Variants in RETREG3 observed in about 807,000 individuals in gnomAD.
RETREG3 encodes the protein reticulophagy regulator family member 3.
RETREG3 carries 23 observed loss-of-function variants against 50.2 expected under a neutral mutation model. That is an observed-to-expected ratio of 0.46 (90% CI 0.33 to 0.65). The LOEUF is 0.65. Among genes scored for constraint, RETREG3 ranks in the 30% least tolerant of loss-of-function variants. The probability of loss-of-function intolerance (pLI) is 0.02; values close to 1 mark genes in which losing one functional copy is unlikely to be tolerated. For synonymous variants in RETREG3, 240 were observed against 234.4 expected (o/e 1.02, Z -0.22); for missense variants, 546 against 598.0 (o/e 0.91, Z 0.91).
At chr17:42,592,903 C>T (rs115423818) in intron 1 of RETREG3, among the ~76,000 whole-genome samples, 1,850 of 152,208 alleles carry the variant, frequency 0.012, 40 homozygotes, top group African/African-American at 0.042. Flanking sequence ...ACGAGAATTG[C>T]TAGAACCCAA....
At chr17:42,599,420 TTAGG>T (rs2093154311) in intron 1 of RETREG3, among the ~76,000 whole-genome samples, 1 of 151,784 alleles carries the variant, frequency 6.6e-6, no homozygotes, top group African/African-American at 2.4e-5. Context: ...TTTGGGAGCC[TTAGG>T]TGGGTGGATA....
chr17:42,584,478 G>A (rs2093116857), intron 6 of RETREG3, among the ~76,000 whole-genome samples: 1 of 152,126 alleles, frequency 6.6e-6, no homozygotes, highest in Non-Finnish European at 1.5e-5. Flanking sequence ...TTGGGAGGCA[G>A]CTTTTACTAG....
At chr17:42,590,966 C>CAAAAG (rs919536512) in intron 2 of RETREG3, among the ~76,000 whole-genome samples, 19 of 152,232 alleles carry the variant, frequency 1.2e-4, no homozygotes, top group South Asian at 4.1e-4. Flanking sequence ...GACTCCGTCT[C>CAAAAG]AAAAGAAAAG....
At chr17:42,586,279 T>A in intron 4 of RETREG3, 142 bp from the exon 5 acceptor site, 2 of 722,954 alleles carry the variant, frequency 2.8e-6, no homozygotes, top group Non-Finnish European at 4.7e-6. Flanking sequence ...CAAAGGTGAT[T>A]CTGTTTGGGA....
chr17:42,582,767 CTG>C lies in RETREG3; in HGVS notation c.848_849del (p.Thr283ArgfsTer3), dbSNP rs747390317. 6.2e-7 allele frequency: 1 copy of C among 1,614,206 alleles called. No homozygotes were observed. Among genetic ancestry groups the C allele is most frequent in the Non-Finnish European group, 8.5e-7 (1 of 1,180,036 alleles). ...DSTVARELAITDSEHSDAEVS... is the reference protein window; with the variant it reads ...DSTVARELAIXDSEHSDAEVS... Reference sequence around the variant, plus strand: ...ACTTCAGCGTCTGAGTGCTCAGAGTCTGTGATGGCCAATTCCCTGGCAACAGT... The same window carrying C: ...ACTTCAGCGTCTGAGTGCTCAGAGTCTGATGGCCAATTCCCTGGCAACAGT... On this transcript the variant is annotated frameshift_variant, in exon 8 of 9. Transcript: ENST00000309428. LOFTEE classifies it high-confidence loss of function.
chr17:42,599,449 G>A (rs1338766818), intron 1 of RETREG3, among the ~76,000 whole-genome samples: 2 of 152,000 alleles, frequency 1.3e-5, no homozygotes, highest in Non-Finnish European at 2.9e-5. Context: ...GAGATCGGGA[G>A]TTTGAGACCA....
intron 2 of RETREG3, among the ~76,000 whole-genome samples, chr17:42,590,499 C>T (rs781301371): frequency 3.9e-5 from 6 of 151,992 alleles, no homozygotes; most frequent in Admixed American, 2.0e-4. Context: ...TGGAGAAACC[C>T]CATCTATAGA....
At position 42,598,277 on chromosome 17, in the gene RETREG3, G is replaced by A. The variant is rs567946858; in HGVS notation, c.240-6115C>T. Among the ~76,000 whole-genome samples the A allele has an allele frequency of 3.9e-3, 589 of 151,944 alleles. 5 individuals are homozygous for A. Among genetic ancestry groups the A allele is most frequent in the African/African-American group, 0.014 (563 of 41,452 alleles). On this transcript the variant is annotated intron_variant, in intron 1 of 8. Coordinates refer to ENST00000309428, the MANE Select transcript of RETREG3 (RefSeq NM_178126.4). ...ATTACAGACGTGAGCCACCGCACCC[G>A]GCCTCTTCCTCTGAAGTTATTATTG... is the stretch of plus-strand genomic sequence containing the variant.
chr17:42,607,297 G>A lies in RETREG3; in HGVS notation c.239+1789C>T, dbSNP rs185078193. Among the ~76,000 whole-genome samples the A allele has an allele frequency of 1.0e-3, 159 of 151,596 alleles. 1 individual carries two copies. The highest frequency in any genetic ancestry group is 1.3e-3 in the Non-Finnish European group (86 of 67,846). ...GAGGATCACCAGAGCCTAGGAGTTC[G>A]AGACCAGCCTGGGCAATATAGTGAG... is the stretch of plus-strand genomic sequence containing the variant. On this transcript the variant is annotated intron_variant, in intron 1 of 8. Coordinates refer to ENST00000309428, the MANE Select transcript of RETREG3 (RefSeq NM_178126.4).
At position 42,609,337 on chromosome 17, in the gene RETREG3, G is replaced by C. The variant is rs766152055; in HGVS notation, c.-13C>G. 1.9e-6 allele frequency: 3 copies of C among 1,592,766 alleles called. No individual in the cohort carries two copies. Among genetic ancestry groups the C allele is most frequent in the Middle Eastern group, 1.7e-4 (1 of 5,916 alleles). ...CGGCCTCAGCCATCTCCCCGCGGCAGCCACAACATCCGGGGCCGTGGCCCG... is the reference window on the plus strand; with the variant it reads ...CGGCCTCAGCCATCTCCCCGCGGCACCCACAACATCCGGGGCCGTGGCCCG... On this transcript the variant is annotated 5_prime_UTR_variant, in exon 1 of 9. Coordinates refer to ENST00000309428, the MANE Select transcript of RETREG3 (RefSeq NM_178126.4).
chr17:42,593,277 C>T (rs115124580), intron 1 of RETREG3, among the ~76,000 whole-genome samples: 176 of 152,012 alleles, frequency 1.2e-3, no homozygotes, highest in African/African-American at 4.2e-3. Context: ...GTTTAACATA[C>T]AAAAAAATCA....
chr17:42,600,828 T>C (rs989103177), intron 1 of RETREG3, among the ~76,000 whole-genome samples: 1 of 152,298 alleles, frequency 6.6e-6, no homozygotes, highest in Admixed American at 6.5e-5. Context: ...ACATAATACA[T>C]AGACAATTAG....
chr17:42,590,842 C>G (rs908890182), intron 2 of RETREG3, among the ~76,000 whole-genome samples: 4 of 152,160 alleles, frequency 2.6e-5, no homozygotes, highest in African/African-American at 9.7e-5. Context: ...TGGTGCGTGC[C>G]TGTAATCCCA....
intron 1 of RETREG3, among the ~76,000 whole-genome samples, chr17:42,599,814 G>A (rs1009709194): frequency 4.6e-5 from 7 of 151,918 alleles, no homozygotes; most frequent in East Asian, 1.9e-4. Context: ...CCAACATGGC[G>A]AAACCCCGTC....
chr17:42,584,815 C>CAAAAA (rs71157643), intron 6 of RETREG3, among the ~76,000 whole-genome samples: 36 of 82,538 alleles, frequency 4.4e-4, no homozygotes, highest in Non-Finnish European at 6.5e-4. Flanking sequence ...GACCCTGTCT[C>CAAAAA]AAAAAAAAAA....
At chr17:42,597,607 ATATATATATATATTTTTTTTTT>A (rs2093149330) in intron 1 of RETREG3, among the ~76,000 whole-genome samples, 1 of 17,012 alleles carries the variant, frequency 5.9e-5, no homozygotes, top group Non-Finnish European at 1.0e-4. Flanking sequence ...ATATATATAT[ATATATATATATATTTTTTTTTT>A]TTTTTTTTTT....
chr17:42,582,586 G>A, intron 8 of RETREG3, 88 bp downstream of exon 8: 1 of 1,558,174 alleles, frequency 6.4e-7, no homozygotes, highest in East Asian at 2.3e-5. Flanking sequence ...AAACAGGAGA[G>A]GGGCAAGCAC....
chr17:42,581,991 AGCTGAATCATACCCTGG>A lies in RETREG3; in HGVS notation c.1206_1222del (p.Gln403GlyfsTer33). 6.2e-7 allele frequency: 1 copy of A among 1,614,162 alleles called. No individual in the cohort carries two copies. Among genetic ancestry groups the A allele is most frequent in the Non-Finnish European group, 8.5e-7 (1 of 1,180,032 alleles). Reference sequence around the variant, plus strand: ...TGGTTGGGAGGCCCCTGACAAGGCCAGCTGAATCATACCCTGGGAGACCAGGCTGGCAAGGTTGCTGG... The same window carrying A: ...TGGTTGGGAGGCCCCTGACAAGGCCAGAGACCAGGCTGGCAAGGTTGCTGG... On this transcript the variant is annotated frameshift_variant, in exon 9 of 9. Coordinates refer to ENST00000309428, the MANE Select transcript of RETREG3 (RefSeq NM_178126.4). LOFTEE classifies it high-confidence loss of function.
In RETREG3 at chr17:42,585,116, G is replaced by A; in HGVS notation, c.727+9C>T. On this transcript the variant is annotated intron_variant, in intron 6 of 8. Coordinates refer to ENST00000309428, the MANE Select transcript of RETREG3 (RefSeq NM_178126.4). ...GCGTAAGTGGAAAGAATGACACCAT[G>A]ACACTTACATTGTCTCTCTCTCTGC... is the stretch of plus-strand genomic sequence containing the variant. 1 of 1,612,116 alleles carries A rather than the reference G, an allele frequency of 6.2e-7. No homozygotes were observed. Among genetic ancestry groups the A allele is most frequent in the Non-Finnish European group, 8.5e-7 (1 of 1,179,842 alleles).
Sources: allele counts gnomAD v4.1 joint callset (sites outside exome capture counted in the v4.1 genomes callset), GRCh38; gene constraint gnomAD v4.1.1; transcripts MANE v1.5; gene names NCBI Gene and HGNC (gene_info 2026-07-23, HGNC 2026-07-21).